EYS: variants seen among roughly 807,000 people sequenced by gnomAD.
EYS encodes the protein protein eyes shut homolog.
In EYS, 250 loss-of-function variants were observed where a neutral mutation model predicts 282.1. The ratio of observed to expected loss-of-function variants is 0.89; its 90% confidence interval spans 0.80 to 0.98. EYS has a LOEUF of 0.98. EYS is among the 50% of genes least tolerant of loss of function. The pLI, the probability that EYS is intolerant of heterozygous loss-of-function variation, is 0.00. For synonymous variants in EYS, 1,355 were observed against 1,282.9 expected (o/e 1.06, Z -1.20); for missense variants, 4,016 against 3,709.0 (o/e 1.08, Z -2.15).
Position 64,626,119 on chromosome 6 carries a change from A to C in EYS, c.3568+2T>G, listed in dbSNP as rs2149856729. 1 of 1,520,170 alleles carries C rather than the reference A, an allele frequency of 6.6e-7. No individual in the cohort carries two copies. The highest frequency in any genetic ancestry group is 1.2e-5 in the South Asian group (1 of 80,776). 94.2% of individuals were successfully genotyped at this position (1,520,170 alleles called of 1,614,324 possible). On this transcript the variant is annotated splice_donor_variant, in intron 23 of 42. Coordinates refer to ENST00000503581, the MANE Select transcript of EYS (RefSeq NM_001142800.2). LOFTEE classifies it high-confidence loss of function. The stretch of plus-strand genomic sequence containing the variant: ...TATGCTTATTATTTTTAAAATAATT[A>C]CCTGGTTGGCATTTGCAAACATATC...
intron 12 of EYS, among the ~76,000 whole-genome samples, chr6:65,173,384 A>T (rs764881929): frequency 3.8e-4 from 58 of 151,282 alleles, no homozygotes; most frequent in Non-Finnish European, 2.4e-4. Flanking sequence ...CTAAAATATG[A>T]ATCAGAAGAA....
chr6:64,248,817 G>GAC (rs1399218269), intron 30 of EYS, among the ~76,000 whole-genome samples: 1 of 152,032 alleles, frequency 6.6e-6, no homozygotes, highest in Non-Finnish European at 1.5e-5. Context: ...CACTTTGGGG[G>GAC]ACCAAGGCAG....
intron 29 of EYS, among the ~76,000 whole-genome samples, chr6:64,323,232 A>G (rs1440860795): frequency 1.3e-5 from 1 of 79,026 alleles, no homozygotes; most frequent in Non-Finnish European, 3.0e-5. Context: ...GGAATTACTA[A>G]TATTACATTC....
intron 2 of EYS, among the ~76,000 whole-genome samples, chr6:65,528,982 T>C (rs1237248313): frequency 6.6e-6 from 1 of 152,168 alleles, no homozygotes; most frequent in African/African-American, 2.4e-5. Flanking sequence ...AGATAAGAAA[T>C]ATCAATTAAT....
rs1767373728 is a variant in EYS, at chr6:64,893,980, A to G, written c.2847-7138T>C. On this transcript the variant is annotated intron_variant, in intron 18 of 42. Coordinates refer to ENST00000503581, the MANE Select transcript of EYS (RefSeq NM_001142800.2). Reference sequence around the variant, plus strand: ...CATTCCTCTCTACCAGGAGAAAATTACTACTCTTAAGATGCTATGTATTTT... The same window carrying G: ...CATTCCTCTCTACCAGGAGAAAATTGCTACTCTTAAGATGCTATGTATTTT... Among the ~76,000 whole-genome samples, 6 of 152,214 alleles carry G rather than the reference A, an allele frequency of 3.9e-5. No individual in the cohort carries two copies. The South Asian group carries it at 1.2e-3, about 32-fold the overall frequency.
chr6:64,908,422 T>C (rs1767894971), intron 16 of EYS, among the ~76,000 whole-genome samples: 1 of 152,082 alleles, frequency 6.6e-6, no homozygotes, highest in African/African-American at 2.4e-5. Context: ...AGCAGCTCAG[T>C]TGGTGCCTTG....
chr6:64,277,986 A>C (rs1265788446), intron 30 of EYS, among the ~76,000 whole-genome samples: 1 of 152,182 alleles, frequency 6.6e-6, no homozygotes, highest in Non-Finnish European at 1.5e-5. Flanking sequence ...TTGAAATTTG[A>C]CTTGAAAATA....
At position 65,431,079 on chromosome 6, in the gene EYS, C is replaced by T. The variant is rs534664126; in HGVS notation, c.863-25712G>A. On this transcript the variant is annotated intron_variant, in intron 5 of 42. Transcript: ENST00000503581. ...AGTCAGGCAGAGCACCAAGTGGGCA[C>T]TTAAGAATCTTCTACACTACTACTT... is the stretch of plus-strand genomic sequence containing the variant. 1.1e-4 allele frequency among the ~76,000 whole-genome samples: 16 copies of T among 152,300 alleles called. No homozygotes were observed. The South Asian group carries it at 2.9e-3, about 28-fold the overall frequency.
chr6:64,311,377 T>C (rs1171618233), intron 29 of EYS, among the ~76,000 whole-genome samples: 1 of 151,888 alleles, frequency 6.6e-6, no homozygotes, highest in African/African-American at 2.4e-5. Context: ...AATGGTACCA[T>C]TGCATGGTAT....
intron 22 of EYS, among the ~76,000 whole-genome samples, chr6:64,641,425 C>G (rs1768149841): frequency 6.6e-6 from 1 of 152,136 alleles, no homozygotes; most frequent in African/African-American, 2.4e-5. Context: ...CAAACCATAT[C>G]ATGCTTATAA....
intron 31 of EYS, among the ~76,000 whole-genome samples, chr6:64,204,229 C>G (rs544533330): frequency 2.2e-4 from 34 of 152,232 alleles, no homozygotes; most frequent in African/African-American, 7.0e-4. Flanking sequence ...CAGGTCATTG[C>G]TTCAAAGCAA....
intron 32 of EYS, among the ~76,000 whole-genome samples, chr6:64,068,821 C>T (rs1771470826): frequency 6.6e-6 from 1 of 151,948 alleles, no homozygotes; most frequent in Non-Finnish European, 1.5e-5. Context: ...CTCAAAGACA[C>T]CCATGTACTA....
intron 28 of EYS, among the ~76,000 whole-genome samples, chr6:64,409,637 G>T (rs751827496): frequency 6.6e-6 from 1 of 152,106 alleles, no homozygotes; most frequent in Non-Finnish European, 1.5e-5. Context: ...TTGATTATTA[G>T]AATCTGAAAA....
chr6:64,108,394 G>C (rs1014048811), intron 31 of EYS, among the ~76,000 whole-genome samples: 8 of 151,962 alleles, frequency 5.3e-5, no homozygotes, highest in African/African-American at 1.9e-4. Context: ...TTCTCTGATG[G>C]AGCTCATTAA....
At chr6:64,749,748 A>C (rs535952163) in intron 22 of EYS, among the ~76,000 whole-genome samples, 1 of 152,310 alleles carries the variant, frequency 6.6e-6, no homozygotes, top group East Asian at 1.9e-4. Context: ...ATGAACAGGA[A>C]TCGATAGCCC....
At chr6:65,387,208 C>T (rs887738156) in intron 7 of EYS, among the ~76,000 whole-genome samples, 10 of 151,870 alleles carry the variant, frequency 6.6e-5, no homozygotes, top group Non-Finnish European at 1.5e-4. Flanking sequence ...TGTCCAGTGA[C>T]CTATGGAATG....
rs141392861 is a variant in EYS at position 64,026,291 on chromosome 6, G to A, written c.6726-27108C>T. Among the ~76,000 whole-genome samples the A allele has an allele frequency of 4.7e-3, 722 of 152,254 alleles. 3 individuals are homozygous for A. The highest frequency in any genetic ancestry group is 0.016 in the African/African-American group (679 of 41,546). On this transcript the variant is annotated intron_variant, in intron 33 of 42. Transcript: ENST00000503581. The stretch of plus-strand genomic sequence containing the variant: ...TTCCGATCAGCAGGGTCCAGGGTCC[G>A]TTGTGGGTTCTTGGGCAGGGGGAAG...
chr6:65,005,983 G>C (rs1408208344), intron 13 of EYS, among the ~76,000 whole-genome samples: 1 of 152,152 alleles, frequency 6.6e-6, no homozygotes, highest in African/African-American at 2.4e-5. Flanking sequence ...AGGTACTAAT[G>C]GTTCAGACTT....
intron 35 of EYS, among the ~76,000 whole-genome samples, chr6:63,959,205 A>G (rs1164565363): frequency 1.3e-5 from 2 of 152,206 alleles, no homozygotes; most frequent in Non-Finnish European, 2.9e-5. Flanking sequence ...TGGGCAAAGG[A>G]TATGAACAGA....
Sources: gnomAD v4.1 joint callset for allele counts (sites outside exome capture counted in the v4.1 genomes callset) on GRCh38, gnomAD v4.1.1 for gene constraint, MANE v1.5 for transcripts, NCBI Gene and HGNC (gene_info 2026-07-23, HGNC 2026-07-21) for gene names.